Variants in CHD9 observed in about 807,000 individuals in gnomAD.
CHD9 encodes the protein chromodomain helicase DNA binding protein 9, also known as ATP-dependent chromatin remodeler CHD9.
CHD9 carries 77 observed loss-of-function variants against 316.1 expected under a neutral mutation model. That is an observed-to-expected ratio of 0.24 (90% CI 0.20 to 0.29). The LOEUF (loss-of-function observed/expected upper bound fraction) is 0.29, where lower values mean the gene tolerates loss of function less well. Ranked by LOEUF, CHD9 falls within the 10% of genes least tolerant of loss-of-function variation. The pLI, the probability that CHD9 is intolerant of heterozygous loss-of-function variation, is 1.00. For synonymous variants in CHD9, 1,129 were observed against 1,158.3 expected (o/e 0.97, Z 0.51); for missense variants, 2,763 against 3,438.1 (o/e 0.80, Z 4.91).
intron 3 of CHD9, among the ~76,000 whole-genome samples, chr16:53,216,281 C>G (rs1165712168): frequency 2.0e-5 from 3 of 152,008 alleles, no homozygotes; most frequent in Non-Finnish European, 4.4e-5. Flanking sequence ...ATTTTTTCTG[C>G]TACTGAAACA....
intron 2 of CHD9, among the ~76,000 whole-genome samples, chr16:53,189,909 G>A (rs917216206): frequency 6.6e-6 from 1 of 152,096 alleles, no homozygotes; most frequent in African/African-American, 2.4e-5. Context: ...AATCATTTAA[G>A]TACTTTTGTA....
intron 1 of CHD9, among the ~76,000 whole-genome samples, chr16:53,097,410 TCTC>T (rs2036481338): frequency 6.6e-6 from 1 of 151,694 alleles, no homozygotes; most frequent in South Asian, 2.1e-4. Flanking sequence ...CTTCCTTCTT[TCTC>T]TTTCTTTCAC....
At chr16:53,290,543 C>G (rs564837984) in intron 27 of CHD9, among the ~76,000 whole-genome samples, 5 of 151,972 alleles carry the variant, frequency 3.3e-5, no homozygotes, top group African/African-American at 1.2e-4. Flanking sequence ...TAATCCAGCA[C>G]TTTGGGAGGC....
intron 24 of CHD9, among the ~76,000 whole-genome samples, chr16:53,278,478 C>A (rs1231720770): frequency 6.6e-6 from 1 of 152,112 alleles, no homozygotes; most frequent in Non-Finnish European, 1.5e-5. Context: ...TGATCTTCAA[C>A]AAAGCAAACA....
At position 53,318,228 on chromosome 16, in the gene CHD9, A is replaced by C; in HGVS notation, c.7601A>C (p.Glu2534Ala). Reference protein sequence around the residue: ...GAFIPRMQLHEGRPKQKRHRC... With the variant: ...GAFIPRMQLHAGRPKQKRHRC... ...ATATTTTAGAGAATGCAGCTTCATG[A>C]GGGAAGACCCAAACAAAAAAGACAC... The change falls in exon 37 of 39, where the codon GAG (glutamate) becomes GCG (alanine). Residue 2534 changes from glutamate to alanine, a missense_variant. Physicochemically the swap from Glu to Ala is moderately radical, Grantham distance 107 (BLOSUM62 -1). Coordinates refer to ENST00000447540, the MANE Select transcript of CHD9 (RefSeq NM_001308319.2). The C allele has an allele frequency of 6.2e-7, 1 of 1,612,150 alleles. No homozygotes were observed. The highest frequency in any genetic ancestry group is 1.1e-5 in the South Asian group (1 of 90,718).
At chr16:53,114,773 G>C (rs2038159794) in intron 1 of CHD9, among the ~76,000 whole-genome samples, 1 of 151,322 alleles carries the variant, frequency 6.6e-6, no homozygotes, top group Non-Finnish European at 1.5e-5. Context: ...ATTTTTAGTA[G>C]AGACGGGGTT....
At chr16:53,279,449 A>G (rs1280098933) in intron 24 of CHD9, among the ~76,000 whole-genome samples, 5 of 152,322 alleles carry the variant, frequency 3.3e-5, no homozygotes, top group South Asian at 2.1e-4. Context: ...AACATGGCAC[A>G]TGTATACATA....
chr16:53,195,903 G>A (rs752795751), intron 2 of CHD9, among the ~76,000 whole-genome samples: 1 of 151,738 alleles, frequency 6.6e-6, no homozygotes. Flanking sequence ...GATCACAGGC[G>A]TGTGCCACCA....
intron 2 of CHD9, among the ~76,000 whole-genome samples, chr16:53,207,644 T>G (rs567725745): frequency 1.3e-5 from 2 of 151,504 alleles, no homozygotes; most frequent in South Asian, 4.1e-4. Context: ...CCTTTGCTAA[T>G]CTTCAGCTAT....
At chr16:53,268,371 G>A (rs955495043) in intron 22 of CHD9, among the ~76,000 whole-genome samples, 10 of 152,080 alleles carry the variant, frequency 6.6e-5, no homozygotes, top group Non-Finnish European at 1.3e-4. Context: ...AGGTCTTTCC[G>A]TCTATGCTCA....
At chr16:53,293,153 T>C in intron 29 of CHD9, 101 bp downstream of exon 29, 4 of 1,054,920 alleles carry the variant, frequency 3.8e-6, no homozygotes, top group Non-Finnish European at 5.5e-6. Context: ...AAAACATACA[T>C]AGAATGTTGG....
intron 2 of CHD9, among the ~76,000 whole-genome samples, chr16:53,159,677 T>G (rs2041773786): frequency 6.6e-6 from 1 of 152,206 alleles, no homozygotes; most frequent in South Asian, 2.1e-4. Flanking sequence ...TGACACAATT[T>G]CCACTCACTG....
chr16:53,063,830 C>CTTT (rs60131017), intron 1 of CHD9, among the ~76,000 whole-genome samples: 3 of 135,444 alleles, frequency 2.2e-5, no homozygotes, highest in Non-Finnish European at 3.1e-5. Context: ...CATGCCTGGC[C>CTTT]TTTTTTTTTT....
At chr16:53,283,495 A>G (rs1263884616) in intron 24 of CHD9, among the ~76,000 whole-genome samples, 2 of 152,152 alleles carry the variant, frequency 1.3e-5, no homozygotes, top group Non-Finnish European at 2.9e-5. Context: ...TCCACCTCAG[A>G]TGGTAATCAC....
At chr16:53,109,206 T>C (rs1319600957) in intron 1 of CHD9, among the ~76,000 whole-genome samples, 1 of 151,196 alleles carries the variant, frequency 6.6e-6, no homozygotes, top group Non-Finnish European at 1.5e-5. Flanking sequence ...CTGAGGTGCA[T>C]GGGGGCACAG....
chr16:53,145,418 T>C (rs1262642251), intron 1 of CHD9, among the ~76,000 whole-genome samples: 1 of 151,288 alleles, frequency 6.6e-6, no homozygotes, highest in Non-Finnish European at 1.5e-5. Context: ...CCCAAAGTGC[T>C]GAGATTACAG....
At chr16:53,284,753 A>G (rs1040167815) in intron 24 of CHD9, among the ~76,000 whole-genome samples, 9 of 152,156 alleles carry the variant, frequency 5.9e-5, no homozygotes, top group African/African-American at 2.2e-4. Context: ...TTACAACATC[A>G]AAACAGCATT....
intron 1 of CHD9, among the ~76,000 whole-genome samples, chr16:53,148,133 G>A (rs373285743): frequency 6.6e-6 from 1 of 152,158 alleles, no homozygotes; most frequent in African/African-American, 2.4e-5. Context: ...TTTGAATCCA[G>A]GAGGCAGAGG....
chr16:53,137,140 A>C lies in CHD9; in HGVS notation c.-164-18786A>C, dbSNP rs577522122. Among the ~76,000 whole-genome samples, 13 of 151,958 alleles carry C rather than the reference A, an allele frequency of 8.6e-5. No individual in the cohort carries two copies. The South Asian group carries it at 2.7e-3, about 32-fold the overall frequency. Reference sequence around the variant, plus strand: ...AAGCACCTGCCACCACGCCCAGCTAATTTTTGTATTTTTAGTAGAGACGGG... The same window carrying C: ...AAGCACCTGCCACCACGCCCAGCTACTTTTTGTATTTTTAGTAGAGACGGG... On this transcript the variant is annotated intron_variant, in intron 1 of 38. Coordinates refer to ENST00000447540, the MANE Select transcript of CHD9 (RefSeq NM_001308319.2).
Sources: allele counts gnomAD v4.1 joint callset (sites outside exome capture counted in the v4.1 genomes callset), GRCh38; gene constraint gnomAD v4.1.1; transcripts MANE v1.5; gene names NCBI Gene and HGNC (gene_info 2026-07-23, HGNC 2026-07-21).